Variants in MMRN2 observed in about 807,000 individuals in gnomAD.
MMRN2 encodes multimerin 2.
Under a neutral mutation model 68.8 loss-of-function variants are expected in MMRN2, and 53 were observed. That is an observed-to-expected ratio of 0.77 (90% CI 0.62 to 0.97). The LOEUF (loss-of-function observed/expected upper bound fraction) is 0.97, where lower values mean the gene tolerates loss of function less well. Among genes scored for constraint, MMRN2 ranks in the 50% least tolerant of loss-of-function variants. The pLI, the probability that MMRN2 is intolerant of heterozygous loss-of-function variation, is 0.00. For synonymous variants in MMRN2, 564 were observed against 551.6 expected (o/e 1.02, Z -0.32); for missense variants, 1,266 against 1,259.5 (o/e 1.01, Z -0.08).
At chr10:86,956,166 C>T (rs1844224848) in intron 1 of MMRN2, among the ~76,000 whole-genome samples, 1 of 148,990 alleles carries the variant, frequency 6.7e-6, no homozygotes, top group Non-Finnish European at 1.5e-5. Flanking sequence ...CCTTGCCGCC[C>T]CACCACCGAG....
In MMRN2 at chr10:86,936,108, A is replaced by C. The variant is rs1294333476; in HGVS notation, c.*635T>G. 1 of 264,328 alleles carries C rather than the reference A, an allele frequency of 3.8e-6. No individual in the cohort carries two copies. The highest frequency in any genetic ancestry group is 7.1e-6 in the Non-Finnish European group (1 of 141,380). The allele number at this position is 264,328 out of a possible 1,614,324, so 16.4% of individuals were successfully genotyped here. ...TGATGTGGGGATTATAGGGATTACAATTCAAGATGATATTTTAGGTGGGGG... is the reference window on the plus strand; with the variant it reads ...TGATGTGGGGATTATAGGGATTACACTTCAAGATGATATTTTAGGTGGGGG... On this transcript the variant is annotated 3_prime_UTR_variant, in exon 7 of 7. Transcript: ENST00000372027.
rs745604533 is a variant in MMRN2, at chr10:86,945,784, C to T, written c.165-95G>A. 36 of 1,587,614 alleles carry T rather than the reference C, an allele frequency of 2.3e-5. No homozygotes were observed. The East Asian group carries it at 3.4e-4, about 15-fold the overall frequency. ...CACCGGTCCTCGCCTCCTGCCGGAG[C>T]AGTGCTGGGATTCTGGAATCCATTA... is the stretch of plus-strand genomic sequence containing the variant. On this transcript the variant is annotated intron_variant, in intron 1 of 6. Coordinates refer to ENST00000372027, the MANE Select transcript of MMRN2 (RefSeq NM_024756.3).
Position 86,937,008 on chromosome 10 carries a change from A to G in MMRN2, c.2585T>C (p.Phe862Ser). The G allele has an allele frequency of 6.2e-7, 1 of 1,614,220 alleles. No individual in the cohort carries two copies. Among genetic ancestry groups the G allele is most frequent in the Non-Finnish European group, 8.5e-7 (1 of 1,180,030 alleles). Residue 862 changes from phenylalanine to serine, a missense_variant, in exon 7 of 7, where the codon TTC (phenylalanine) becomes TCC (serine). Transcript: ENST00000372027. Reference protein sequence around the residue: ...GSSYFPEHGYFRAPERGVYLF... With the variant: ...GSSYFPEHGYSRAPERGVYLF... The stretch of plus-strand genomic sequence containing the variant: ...GTAGACACCACGCTCAGGGGCTCGG[A>G]AGTAGCCATGTTCAGGGAAGTAGCT...
intron 6 of MMRN2, among the ~76,000 whole-genome samples, chr10:86,941,822 A>T (rs1240300030): frequency 8.8e-6 from 1 of 113,262 alleles, no homozygotes; most frequent in Non-Finnish European, 1.8e-5. Context: ...AAAAGAAAAG[A>T]AAAAGAAAAA....
In MMRN2 at chr10:86,942,803, G is replaced by C. The variant is rs778817861; in HGVS notation, c.1981C>G (p.Arg661Gly). The C allele has an allele frequency of 8.1e-6, 11 of 1,358,720 alleles. No homozygotes were observed. The Admixed American group carries it at 1.0e-4, about 13-fold the overall frequency. 84.2% of individuals were successfully genotyped at this position (1,358,720 alleles called of 1,614,324 possible). Residue 661 changes from arginine (R) to glycine (G), a missense_variant, in exon 6 of 7, where the codon CGA (arginine) becomes GGA (glycine). By Grantham distance (125) the Arg-to-Gly change is moderately radical. Coordinates refer to ENST00000372027, the MANE Select transcript of MMRN2 (RefSeq NM_024756.3). Reference sequence around the variant, plus strand: ...GAGGCCTGCTCCAGGGCCGTCACTCGGGCGGCCAGCTCGTCCCAGCCGAGC... The same window carrying C: ...GAGGCCTGCTCCAGGGCCGTCACTCCGGCGGCCAGCTCGTCCCAGCCGAGC... The part of the protein sequence containing the change: ...QALGWDELAA[R>G]VTALEQASEP...
chr10:86,938,788 A>G (rs879261665), intron 6 of MMRN2, among the ~76,000 whole-genome samples: 5 of 152,358 alleles, frequency 3.3e-5, no homozygotes, highest in Admixed American at 2.0e-4. Flanking sequence ...TTTGTGAATA[A>G]AAAAATGTTG....
rs1843878014 is a variant in MMRN2, at chr10:86,936,366, A to C, written c.*377T>G. The C allele has an allele frequency of 2.3e-6, 1 of 439,740 alleles. No individual in the cohort carries two copies. The highest frequency in any genetic ancestry group is 2.0e-5 in the African/African-American group (1 of 50,186). 27.2% of individuals were successfully genotyped at this position (439,740 alleles called of 1,614,324 possible). A position where few individuals can be genotyped will look rare whatever the true frequency, so the allele number is the denominator to read the frequency against. ...ATACGATAAGGGAGAAGAGAAGAGG[A>C]AGCAAGAGAAAAGTTTAAAGTGTTG... On this transcript the variant is annotated 3_prime_UTR_variant, in exon 7 of 7. Coordinates refer to ENST00000372027, the MANE Select transcript of MMRN2 (RefSeq NM_024756.3).
In MMRN2 at chr10:86,936,854, C is replaced by G. The variant is rs970525777; in HGVS notation, c.2739G>C (p.Met913Ile). ...GSGSTATVFA[M>I]AELQKGERVW... ...CTCGCTCACCCTTCTGCAGCTCAGCCATGGCAAAGACCGTTGCTGTGCTTC... is the reference window on the plus strand; with the variant it reads ...CTCGCTCACCCTTCTGCAGCTCAGCGATGGCAAAGACCGTTGCTGTGCTTC... Residue 913 changes from methionine (M) to isoleucine (I), a missense_variant, in exon 7 of 7, where the codon ATG becomes ATC. Coordinates refer to ENST00000372027, the MANE Select transcript of MMRN2 (RefSeq NM_024756.3). The G allele has an allele frequency of 6.2e-7, 1 of 1,614,210 alleles. No homozygotes were observed.
rs566810198 is a variant in MMRN2 at position 86,943,959 on chromosome 10, T to C, written c.825A>G (p.Arg275=). The C allele has an allele frequency of 6.2e-7, 1 of 1,614,166 alleles. No homozygotes were observed. The highest frequency in any genetic ancestry group is 1.6e-4 in the Middle Eastern group (1 of 6,062). ...CCCTGGCCACGGCACTGTCCTGGAC[T>C]CTGGAGATGGCCTGGCGGTTGGCCT... ...DVEANRQAIS[R]VQDSAVARAD... is the part of the protein sequence containing the mutation. The change falls in exon 6 of 7, where the codon AGA becomes AGG. Residue 275 remains arginine, a synonymous_variant. Transcript: ENST00000372027. The surrounding 1 kb of genome is among the most constrained non-coding windows in gnomAD (Gnocchi z 4.2).
At chr10:86,940,011 G>A (rs1428893991) in intron 6 of MMRN2, among the ~76,000 whole-genome samples, 1 of 130,224 alleles carries the variant, frequency 7.7e-6, no homozygotes, top group South Asian at 2.5e-4. Context: ...CCACCACACC[G>A]GGCTAATTTT....
chr10:86,937,241 T>C, intron 6 of MMRN2, 116 bp from the exon 7 acceptor site: 4 of 1,063,020 alleles, frequency 3.8e-6, no homozygotes, highest in Non-Finnish European at 5.3e-6. Flanking sequence ...TCACTATTTC[T>C]AGATAACCTA....
At position 86,943,467 on chromosome 10, in the gene MMRN2, G is replaced by C. The variant is rs763050868; in HGVS notation, c.1317C>G (p.Asn439Lys). The C allele has an allele frequency of 1.4e-5, 23 of 1,614,022 alleles. No individual in the cohort carries two copies. In the Admixed American group the frequency reaches 2.0e-4, roughly 14 times the overall value. ...CGCGCAGCTCACGGAGCGCCGTGTGGTTCACCTGCAGCTCCTCCACCTGCC... is the reference window on the plus strand; with the variant it reads ...CGCGCAGCTCACGGAGCGCCGTGTGCTTCACCTGCAGCTCCTCCACCTGCC... ...VERQVEELQV[N>K]HTALRELRVI... Residue 439 changes from asparagine to lysine, a missense_variant, in exon 6 of 7, where the codon AAC becomes AAG. By Grantham distance (94) the Asn-to-Lys change is moderately conservative. Coordinates refer to ENST00000372027, the MANE Select transcript of MMRN2 (RefSeq NM_024756.3). This position sits in a 1 kb window ranked among gnomAD's most constrained non-coding sequence, Gnocchi z 4.2.
rs529612519 is a variant in MMRN2 at position 86,943,005 on chromosome 10, G to A, written c.1779C>T (p.His593=). The change falls in exon 6 of 7, where the codon CAC becomes CAT. Residue 593 remains histidine (H), a synonymous_variant. Coordinates refer to ENST00000372027, the MANE Select transcript of MMRN2 (RefSeq NM_024756.3). The surrounding 1 kb of genome is among the most constrained non-coding windows in gnomAD (Gnocchi z 4.2). ...AEARHEVRQL[H]SAFAALLEDA... ...CCTCCAGCAGGGCGGCGAAGGCGCT[G>A]TGCAGCTGGCGCACCTCGTGGCGGG... The A allele has an allele frequency of 2.7e-5, 38 of 1,419,744 alleles. No individual in the cohort carries two copies. In the South Asian group the frequency reaches 5.2e-4, roughly 19 times the overall value. 87.9% of individuals were successfully genotyped at this position (1,419,744 alleles called of 1,614,324 possible). A position where few individuals can be genotyped will look rare whatever the true frequency, so the allele number is the denominator to read the frequency against.
chr10:86,952,157 C>A (rs973470930), intron 1 of MMRN2, among the ~76,000 whole-genome samples: 8 of 152,172 alleles, frequency 5.3e-5, no homozygotes, highest in Admixed American at 5.2e-4. Context: ...GCTCAGGATT[C>A]GATATGCCAG....
At position 86,942,748 on chromosome 10, in the gene MMRN2, T is replaced by G. The variant is rs955534413; in HGVS notation, c.2036A>C (p.Glu679Ala). The change falls in exon 6 of 7, where the codon GAG (glutamate) becomes GCG (alanine). Residue 679 changes from glutamate (E) to alanine (A), a missense_variant. Coordinates refer to ENST00000372027, the MANE Select transcript of MMRN2 (RefSeq NM_024756.3). ...CTCGCGGCCCGCGTCGTGGCTGGGC[T>G]CCAGGTGCTCTGCCGGCCGCGGGGG... ...SEPPRPAEHL[E>A]PSHDAGREEA... is the part of the protein sequence containing the mutation. 1.4e-6 allele frequency: 2 copies of G among 1,394,164 alleles called. No individual in the cohort carries two copies. Among genetic ancestry groups the G allele is most frequent in the Non-Finnish European group, 1.8e-6 (2 of 1,081,984 alleles). 86.4% of individuals were successfully genotyped at this position (1,394,164 alleles called of 1,614,324 possible).
rs1286694366 is a variant in MMRN2, at chr10:86,945,397, A to G, written c.373T>C (p.Tyr125His). 6.3e-7 allele frequency: 1 copy of G among 1,585,258 alleles called. No individual in the cohort carries two copies. The highest frequency in any genetic ancestry group is 1.3e-5 in the African/African-American group (1 of 74,544). The stretch of plus-strand genomic sequence containing the variant: ...TGGTGCTCGCAGTTGGGGCCCGTGT[A>G]GCCAGGGCAGCACCTCCAGGCCAAA... ...TSLAWRCCPG[Y>H]TGPNCEHHDS... The change falls in exon 3 of 7, where the codon TAC becomes CAC. Residue 125 changes from tyrosine (Y) to histidine (H), a missense_variant. Tyr to His is a moderately conservative substitution (Grantham distance 83). Transcript: ENST00000372027.
In MMRN2 at chr10:86,943,582, A is replaced by G. The variant is rs1460644485; in HGVS notation, c.1202T>C (p.Met401Thr). The change falls in exon 6 of 7, where the codon ATG becomes ACG. Residue 401 changes from methionine (M) to threonine (T), a missense_variant. Met to Thr is a moderately conservative substitution (Grantham distance 81, BLOSUM62 -1). Coordinates refer to ENST00000372027, the MANE Select transcript of MMRN2 (RefSeq NM_024756.3). This position sits in a 1 kb window ranked among gnomAD's most constrained non-coding sequence, Gnocchi z 4.2. ...CACGTGCCGGGTCAGGGTGGCCCTC[A>G]TGTCCTCCAGGGTGTACTGCAACTC... is the stretch of plus-strand genomic sequence containing the variant. ...EEELQYTLEDMRATLTRHVDE... is the reference protein window; with the variant it reads ...EEELQYTLEDTRATLTRHVDE... 6.2e-7 allele frequency: 1 copy of G among 1,613,886 alleles called. No homozygotes were observed. Among genetic ancestry groups the G allele is most frequent in the Non-Finnish European group, 8.5e-7 (1 of 1,180,016 alleles).
In MMRN2 at chr10:86,936,224, G is replaced by A. The variant is rs568141852; in HGVS notation, c.*519C>T. 2 of 402,480 alleles carry A rather than the reference G, an allele frequency of 5.0e-6. No homozygotes were observed. The highest frequency in any genetic ancestry group is 4.1e-5 in the Admixed American group (1 of 24,430). The allele number at this position is 402,480 out of a possible 1,614,324, so 24.9% of individuals were successfully genotyped here. A position where few individuals can be genotyped will look rare whatever the true frequency, so the allele number is the denominator to read the frequency against. Reference sequence around the variant, plus strand: ...TGGCCAGGCTGTCGTCTTCATTACTGACTAATAGAGACCAAGCAGGTTGGT... The same window carrying A: ...TGGCCAGGCTGTCGTCTTCATTACTAACTAATAGAGACCAAGCAGGTTGGT... On this transcript the variant is annotated 3_prime_UTR_variant, in exon 7 of 7. Coordinates refer to ENST00000372027, the MANE Select transcript of MMRN2 (RefSeq NM_024756.3).
At position 86,943,717 on chromosome 10, in the gene MMRN2, G is replaced by T; in HGVS notation, c.1067C>A (p.Ala356Glu). 6.2e-7 allele frequency: 1 copy of T among 1,609,022 alleles called. No homozygotes were observed. Reference sequence around the variant, plus strand: ...AGGCCTTGCCCCAGCCCCAGGCGTTGCCAACACCAGACTGCCATTGGTCCC... The same window carrying T: ...AGGCCTTGCCCCAGCCCCAGGCGTTTCCAACACCAGACTGCCATTGGTCCC... Reference protein sequence around the residue: ...APGTNGSLVLATPGAGARPEP... With the variant: ...APGTNGSLVLETPGAGARPEP... The change falls in exon 6 of 7, where the codon GCA becomes GAA. Residue 356 changes from alanine (A) to glutamate (E), a missense_variant. By Grantham distance (107) the Ala-to-Glu change is moderately radical. Transcript: ENST00000372027. The surrounding 1 kb of genome is among the most constrained non-coding windows in gnomAD (Gnocchi z 4.2).
Sources: allele counts gnomAD v4.1 joint callset (sites outside exome capture counted in the v4.1 genomes callset), GRCh38; gene constraint gnomAD v4.1.1; non-coding constraint Gnocchi (gnomAD v3.1); transcripts MANE v1.5; gene names NCBI Gene and HGNC (gene_info 2026-07-23, HGNC 2026-07-21).